Variants in GRIN3A observed in about 807,000 individuals in gnomAD.
The protein encoded by GRIN3A is glutamate receptor ionotropic, NMDA 3A.
In GRIN3A, 47 loss-of-function variants were observed where a neutral mutation model predicts 92.4. The ratio of observed to expected loss-of-function variants is 0.51; its 90% CI spans 0.40 to 0.65. GRIN3A has a LOEUF of 0.65. GRIN3A is among the 30% of genes least tolerant of loss of function. The probability of loss-of-function intolerance (pLI) is 0.00; values close to 1 mark genes in which losing one functional copy is unlikely to be tolerated. For missense variants in GRIN3A, 1,324 were observed against 1,393.1 expected (o/e 0.95, Z 0.79); for synonymous variants, 527 against 540.6 (o/e 0.97, Z 0.35).
chr9:101,663,991 C>A (rs955163429), intron 3 of GRIN3A, among the ~76,000 whole-genome samples: 1 of 151,738 alleles, frequency 6.6e-6, no homozygotes, highest in Non-Finnish European at 1.5e-5. Context: ...TCAGCTGAGC[C>A]AGTTCAACTC....
intron 6 of GRIN3A, among the ~76,000 whole-genome samples, chr9:101,582,222 A>G (rs72745331): frequency 0.14 from 21,018 of 152,158 alleles, 1,678 homozygotes; most frequent in African/African-American, 0.19. Flanking sequence ...AGGGAAGTCT[A>G]TCTGGGGGTC....
intron 4 of GRIN3A, among the ~76,000 whole-genome samples, chr9:101,624,958 A>C (rs143072329): frequency 2.0e-5 from 3 of 152,274 alleles, no homozygotes; most frequent in East Asian, 1.9e-4. Flanking sequence ...ACCTCATATA[A>C]ATCAGTGAGA....
In GRIN3A at chr9:101,670,477, G is replaced by A. The variant is rs553291464; in HGVS notation, c.1935C>T (p.Thr645=). The A allele has an allele frequency of 6.2e-7, 1 of 1,613,996 alleles. No homozygotes were observed. The highest frequency in any genetic ancestry group is 1.3e-5 in the African/African-American group (1 of 75,024). The change falls in exon 3 of 9, where the codon ACC becomes ACT. Residue 645 remains threonine, a synonymous_variant. Transcript: ENST00000361820. The stretch of plus-strand genomic sequence containing the variant: ...CCAAGCTGGTGGAGAAGAAAGGGCT[G>A]GTGAAATCTATCACCTGGCTCCGTG... ...NTARSQVIDF[T]SPFFSTSLGI... is the part of the protein sequence containing the mutation.
At chr9:101,585,541 C>T (rs555034209) in intron 6 of GRIN3A, among the ~76,000 whole-genome samples, 1 of 152,212 alleles carries the variant, frequency 6.6e-6, no homozygotes, top group African/African-American at 2.4e-5. Flanking sequence ...CACAGTCTTT[C>T]TCATCACAAT....
intron 5 of GRIN3A, among the ~76,000 whole-genome samples, chr9:101,616,010 G>C (rs560173054): frequency 6.6e-6 from 1 of 152,266 alleles, no homozygotes; most frequent in African/African-American, 2.4e-5. Context: ...GCTGTGTCTT[G>C]TTTAATATCT....
intron 5 of GRIN3A, among the ~76,000 whole-genome samples, chr9:101,617,796 C>A (rs1037894654): frequency 7.2e-6 from 1 of 139,724 alleles, no homozygotes; most frequent in Admixed American, 7.0e-5. Flanking sequence ...ATCCCTCCCC[C>A]CTCCCCCAAC....
At chr9:101,614,609 C>CTTTTTTTT (rs754003481) in intron 5 of GRIN3A, among the ~76,000 whole-genome samples, 1 of 83,066 alleles carries the variant, frequency 1.2e-5, no homozygotes, top group Non-Finnish European at 2.3e-5. Context: ...ATATGTGATA[C>CTTTTTTTT]TTTTTTTTTT....
chr9:101,592,586 C>G (rs1828045752), intron 6 of GRIN3A: 1 of 152,090 alleles, frequency 6.6e-6, no homozygotes. Flanking sequence ...ATTACATAAC[C>G]CTGATCACCA....
At chr9:101,584,823 G>C (rs571820785) in intron 6 of GRIN3A, among the ~76,000 whole-genome samples, 6 of 152,210 alleles carry the variant, frequency 3.9e-5, no homozygotes, top group Non-Finnish European at 5.9e-5. Flanking sequence ...ATTTTGTTCA[G>C]ATGTCGTCAC....
intron 3 of GRIN3A, among the ~76,000 whole-genome samples, chr9:101,668,188 G>C (rs979137140): frequency 6.6e-6 from 1 of 151,836 alleles, no homozygotes; most frequent in African/African-American, 2.4e-5. Flanking sequence ...CGTATAGCTT[G>C]TCTTTATAAT....
chr9:101,616,439 A>G (rs1828454805), intron 5 of GRIN3A, among the ~76,000 whole-genome samples: 1 of 152,172 alleles, frequency 6.6e-6, no homozygotes, highest in African/African-American at 2.4e-5. Context: ...TAAAACAGGC[A>G]CTCAAAATAG....
chr9:101,588,949 C>T (rs1018747122), intron 6 of GRIN3A, among the ~76,000 whole-genome samples: 1 of 151,644 alleles, frequency 6.6e-6, no homozygotes, highest in Non-Finnish European at 1.5e-5. Flanking sequence ...AATATTGCTA[C>T]AATAAAAATT....
chr9:101,592,507 A>G (rs762222713), intron 6 of GRIN3A: 6 of 152,214 alleles, frequency 3.9e-5, no homozygotes, highest in Non-Finnish European at 8.8e-5. Flanking sequence ...ACACAGCTAA[A>G]AAGAAGTGAG....
intron 5 of GRIN3A, among the ~76,000 whole-genome samples, chr9:101,617,602 T>TG (rs1828478677): frequency 6.6e-6 from 1 of 151,390 alleles, no homozygotes; most frequent in South Asian, 2.1e-4. Context: ...ATATTGATAT[T>TG]TTATTTTATT....
chr9:101,586,945 T>TGTC (rs1384314944), intron 6 of GRIN3A, among the ~76,000 whole-genome samples: 2 of 152,200 alleles, frequency 1.3e-5, no homozygotes, highest in African/African-American at 4.8e-5. Context: ...AGGCTTCATC[T>TGTC]GTCACTCTCT....
intron 1 of GRIN3A, among the ~76,000 whole-genome samples, chr9:101,730,657 A>G (rs1376730550): frequency 6.6e-6 from 1 of 152,136 alleles, no homozygotes; most frequent in East Asian, 1.9e-4. Flanking sequence ...TTACATTATA[A>G]TGGTAATAAT....
intron 6 of GRIN3A, among the ~76,000 whole-genome samples, chr9:101,613,112 T>C (rs1183420970): frequency 6.6e-6 from 1 of 152,222 alleles, no homozygotes; most frequent in Non-Finnish European, 1.5e-5. Flanking sequence ...TCTGCACTTG[T>C]GGATAGAGGT....
intron 1 of GRIN3A, among the ~76,000 whole-genome samples, chr9:101,715,031 G>A (rs1422051168): frequency 6.6e-6 from 1 of 151,810 alleles, no homozygotes; most frequent in African/African-American, 2.4e-5. Flanking sequence ...AGACAGGCTG[G>A]AATACATAAG....
chr9:101,585,132 G>A (rs1444437323), intron 6 of GRIN3A, among the ~76,000 whole-genome samples: 4 of 152,070 alleles, frequency 2.6e-5, no homozygotes, highest in Non-Finnish European at 5.9e-5. Context: ...TCCTGTAAAA[G>A]TAAAAAATGG....
Sources: allele counts gnomAD v4.1 joint callset (sites outside exome capture counted in the v4.1 genomes callset), GRCh38; gene constraint gnomAD v4.1.1; transcripts MANE v1.5; gene names NCBI Gene and HGNC (gene_info 2026-07-23, HGNC 2026-07-21).